Variants in TMEM179B observed in about 807,000 individuals in gnomAD.
TMEM179B encodes transmembrane protein 179B.
Under a neutral mutation model 18.0 loss-of-function variants are expected in TMEM179B, and 13 were observed. That is an observed-to-expected ratio of 0.72 (90% confidence interval 0.47 to 1.15). TMEM179B has a LOEUF of 1.15. Among genes scored for constraint, TMEM179B ranks in the 50% most tolerant of loss-of-function variants. TMEM179B has a pLI of 0.00. For missense variants in TMEM179B, 320 were observed against 270.6 expected, an observed-to-expected ratio of 1.18 and a Z score of -1.28; for synonymous variants, 159 against 117.5, an observed-to-expected ratio of 1.35 and a Z score of -2.29.
At position 62,789,169 on chromosome 11, in the gene TMEM179B, G is replaced by C. The variant is rs772475297; in HGVS notation, c.243G>C (p.Leu81Phe). Residue 81 changes from leucine (L) to phenylalanine (F), a missense_variant, in exon 2 of 5, where the codon TTG (leucine) becomes TTC (phenylalanine). By Grantham distance (22) the Leu-to-Phe change is conservative (BLOSUM62 0). Transcript: ENST00000333449. Reference sequence around the variant, plus strand: ...TGGCCCTCTACTGCCTCCTGCTTTTGCTCTTCTGGATCTACAGCAGCTGCA... The same window carrying C: ...TGGCCCTCTACTGCCTCCTGCTTTTCCTCTTCTGGATCTACAGCAGCTGCA... ...GLLALYCLLL[L>F]LFWIYSSCIE... 46 of 1,614,036 alleles carry C rather than the reference G, an allele frequency of 2.9e-5. No homozygotes were observed. Among genetic ancestry groups the C allele is most frequent in the Non-Finnish European group, 3.8e-5 (45 of 1,180,036 alleles).
chr11:62,787,451 A>T lies in TMEM179B; in HGVS notation c.20A>T (p.Gln7Leu), dbSNP rs368131269. Residue 7 changes from glutamine to leucine, a missense_variant, in exon 1 of 5, where the codon CAG becomes CTG. Coordinates refer to ENST00000333449, the MANE Select transcript of TMEM179B (RefSeq NM_199337.3). MALSWL[Q>L]RVELALFAAA... ...GGCGCCATGGCGCTGTCCTGGCTGC[A>T]GCGCGTCGAGCTTGCGCTCTTTGCT... The T allele has an allele frequency of 6.4e-7, 1 of 1,569,320 alleles. No individual in the cohort carries two copies. Among genetic ancestry groups the T allele is most frequent in the Non-Finnish European group, 8.6e-7 (1 of 1,164,710 alleles).
At position 62,790,167 on chromosome 11, in the gene TMEM179B, GA is replaced by G. The variant is rs1324675116; in HGVS notation, c.*123del. ...TTTCCTTTCGTTGGGGGGTGGGGGG[GA>G]AACATAATGACAGGCCCCCCTCCAC... On this transcript the variant is annotated 3_prime_UTR_variant, in exon 5 of 5. Transcript: ENST00000333449. 24 of 1,060,776 alleles carry G rather than the reference GA, an allele frequency of 2.3e-5. No homozygotes were observed. In the Admixed American group the frequency reaches 3.5e-4, roughly 16 times the overall value. 65.7% of individuals were successfully genotyped at this position (1,060,776 alleles called of 1,614,324 possible).
chr11:62,787,470 CTT>C lies in TMEM179B; in HGVS notation c.41_42del (p.Phe14CysfsTer24). On this transcript the variant is annotated frameshift_variant, in exon 1 of 5. Coordinates refer to ENST00000333449, the MANE Select transcript of TMEM179B (RefSeq NM_199337.3). LOFTEE classifies it high-confidence loss of function. ...SWLQRVELAL[F>X]AAAFLCGAVA... ...GGCTGCAGCGCGTCGAGCTTGCGCT[CTT>C]TGCTGCCGCCTTCCTGTGCGGGGCC... is the stretch of plus-strand genomic sequence containing the variant. 1.3e-6 allele frequency: 2 copies of C among 1,577,102 alleles called. No homozygotes were observed. The highest frequency in any genetic ancestry group is 8.6e-7 in the Non-Finnish European group (1 of 1,169,008).
chr11:62,790,109 C>T lies in TMEM179B; in HGVS notation c.*62C>T, dbSNP rs78079991. Reference sequence around the variant, plus strand: ...ATGCCCAAGTGCCTGTAATCCCCCCCCTCAAGGCCCTGTTTATGTTGGGAG... The same window carrying T: ...ATGCCCAAGTGCCTGTAATCCCCCCTCTCAAGGCCCTGTTTATGTTGGGAG... On this transcript the variant is annotated 3_prime_UTR_variant, in exon 5 of 5. Transcript: ENST00000333449. 1.4e-5 allele frequency: 21 copies of T among 1,488,882 alleles called. No homozygotes were observed. Among genetic ancestry groups the T allele is most frequent in the Admixed American group, 1.2e-4 (5 of 41,558 alleles). The allele number at this position is 1,488,882 out of a possible 1,614,324, so 92.2% of individuals were successfully genotyped here.
Position 62,790,206 on chromosome 11 carries a change from C to T in TMEM179B, c.*159C>T. ...GGCCCCCCTCCACCTCTTCCTGCAG[C>T]TGTTTTTGTACCAAAATATTATATT... On this transcript the variant is annotated 3_prime_UTR_variant, in exon 5 of 5. Coordinates refer to ENST00000333449, the MANE Select transcript of TMEM179B (RefSeq NM_199337.3). The T allele has an allele frequency of 1.3e-6, 1 of 795,120 alleles. No homozygotes were observed. Among genetic ancestry groups the T allele is most frequent in the Non-Finnish European group, 1.9e-6 (1 of 525,608 alleles). The allele number at this position is 795,120 out of a possible 1,614,324, so 49.3% of individuals were successfully genotyped here. A position where few individuals can be genotyped will look rare whatever the true frequency, so the allele number is the denominator to read the frequency against.
Position 62,789,107 on chromosome 11 carries a change from T to C in TMEM179B, c.181T>C (p.Ser61Pro). 2 of 1,614,200 alleles carry C rather than the reference T, an allele frequency of 1.2e-6. No homozygotes were observed. Among genetic ancestry groups the C allele is most frequent in the Non-Finnish European group, 8.5e-7 (1 of 1,180,030 alleles). ...SLALSRPSAP[S>P]LCYFVAGASG... ...GGCCTTATCCCGTCCCTCAGCACCA[T>C]CCCTGTGCTACTTTGTAGCTGGGGC... Residue 61 changes from serine to proline, a missense_variant, in exon 2 of 5, where the codon TCC becomes CCC. Ser to Pro is a moderately conservative substitution (Grantham distance 74). Coordinates refer to ENST00000333449, the MANE Select transcript of TMEM179B (RefSeq NM_199337.3).
At position 62,787,474 on chromosome 11, in the gene TMEM179B, G is replaced by A; in HGVS notation, c.43G>A (p.Ala15Thr). The A allele has an allele frequency of 6.3e-7, 1 of 1,577,808 alleles. No homozygotes were observed. The highest frequency in any genetic ancestry group is 8.6e-7 in the Non-Finnish European group (1 of 1,169,262). ...WLQRVELALFAAAFLCGAVAA... is the reference protein window; with the variant it reads ...WLQRVELALFTAAFLCGAVAA... ...GCAGCGCGTCGAGCTTGCGCTCTTT[G>A]CTGCCGCCTTCCTGTGCGGGGCCGT... is the stretch of plus-strand genomic sequence containing the variant. Residue 15 changes from alanine (A) to threonine (T), a missense_variant, in exon 1 of 5, where the codon GCT (alanine) becomes ACT (threonine). Physicochemically the swap from Ala to Thr is moderately conservative, Grantham distance 58 (BLOSUM62 0). Transcript: ENST00000333449.
At chr11:62,788,248 C>A (rs2084312370) in intron 1 of TMEM179B, among the ~76,000 whole-genome samples, 1 of 151,632 alleles carries the variant, frequency 6.6e-6, no homozygotes, top group African/African-American at 2.4e-5. Context: ...ACTAAAAATA[C>A]AAAAATTAGC....
rs761490110 is a variant in TMEM179B, at chr11:62,787,462, C to T, written c.31C>T (p.Leu11Phe). The change falls in exon 1 of 5, where the codon CTT (leucine) becomes TTT (phenylalanine). Residue 11 changes from leucine (L) to phenylalanine (F), a missense_variant. Physicochemically the swap from Leu to Phe is conservative, Grantham distance 22. Transcript: ENST00000333449. The stretch of plus-strand genomic sequence containing the variant: ...GCTGTCCTGGCTGCAGCGCGTCGAG[C>T]TTGCGCTCTTTGCTGCCGCCTTCCT... MALSWLQRVE[L>F]ALFAAAFLCG... 1.3e-6 allele frequency: 2 copies of T among 1,574,898 alleles called. No individual in the cohort carries two copies. The highest frequency in any genetic ancestry group is 2.3e-5 in the East Asian group (1 of 43,380).
Position 62,787,490 on chromosome 11 carries a change from G to C in TMEM179B, c.59G>C (p.Cys20Ser). The change falls in exon 1 of 5, where the codon TGC (cysteine) becomes TCC (serine). Residue 20 changes from cysteine (C) to serine (S), a missense_variant. Coordinates refer to ENST00000333449, the MANE Select transcript of TMEM179B (RefSeq NM_199337.3). Reference protein sequence around the residue: ...ELALFAAAFLCGAVAAAAMTR... With the variant: ...ELALFAAAFLSGAVAAAAMTR... The stretch of plus-strand genomic sequence containing the variant: ...GCGCTCTTTGCTGCCGCCTTCCTGT[G>C]CGGGGCCGTGGCGGCCGCGGCGATG... 2 of 1,580,404 alleles carry C rather than the reference G, an allele frequency of 1.3e-6. No individual in the cohort carries two copies. Among genetic ancestry groups the C allele is most frequent in the Non-Finnish European group, 1.7e-6 (2 of 1,171,166 alleles).
In TMEM179B at chr11:62,787,543, G is replaced by GGGGTC; in HGVS notation, c.96+17_96+21dup. The GGGGTC allele has an allele frequency of 6.5e-7, 1 of 1,544,682 alleles. No individual in the cohort carries two copies. The highest frequency in any genetic ancestry group is 8.7e-7 in the Non-Finnish European group (1 of 1,154,650). On this transcript the variant is annotated intron_variant, in intron 1 of 4. Coordinates refer to ENST00000333449, the MANE Select transcript of TMEM179B (RefSeq NM_199337.3). ...TCGGACCCAGGTGCGGCTGCGGGGCGGGGTCAGGTAGGCGGGGGAGCTGGC... is the reference window on the plus strand; with the variant it reads ...TCGGACCCAGGTGCGGCTGCGGGGCGGGGTCGGGTCAGGTAGGCGGGGGAGCTGGC...
chr11:62,789,601 C>T lies in TMEM179B; in HGVS notation c.420C>T (p.Ser140=), dbSNP rs750653812. ...NSIISLNTTI[S]CSEAQKIPWT... is the part of the protein sequence containing the mutation. Reference sequence around the variant, plus strand: ...CACAACTGTCTCTTTGACCTCACAGCTGTTCTGAAGCCCAGAAAATTCCAT... The same window carrying T: ...CACAACTGTCTCTTTGACCTCACAGTTGTTCTGAAGCCCAGAAAATTCCAT... The change falls in exon 4 of 5, where the codon AGC becomes AGT. Residue 140 remains serine (S), a splice_region_variant and synonymous_variant. Coordinates refer to ENST00000333449, the MANE Select transcript of TMEM179B (RefSeq NM_199337.3). 1.0e-5 allele frequency: 16 copies of T among 1,549,924 alleles called. No homozygotes were observed. The highest frequency in any genetic ancestry group is 1.4e-5 in the Non-Finnish European group (16 of 1,151,038).
intron 2 of TMEM179B, 26 bp from the exon 3 acceptor site, chr11:62,789,266 C>T: frequency 1.9e-6 from 3 of 1,614,108 alleles, no homozygotes; most frequent in Non-Finnish European, 2.5e-6. Flanking sequence ...TCACCTCCAC[C>T]ACAAGGCTTG....
chr11:62,790,086 G>A lies in TMEM179B; in HGVS notation c.*39G>A, dbSNP rs201547189. 75 of 1,544,326 alleles carry A rather than the reference G, an allele frequency of 4.9e-5. No individual in the cohort carries two copies. Among genetic ancestry groups the A allele is most frequent in the Admixed American group, 4.4e-4 (22 of 50,454 alleles). On this transcript the variant is annotated 3_prime_UTR_variant, in exon 5 of 5. Transcript: ENST00000333449. ...TGCTTCCTGCAGCCGAAGACTCCAT[G>A]CCCAAGTGCCTGTAATCCCCCCCCT...
In TMEM179B at chr11:62,789,031, C is replaced by T; in HGVS notation, c.105C>T (p.Phe35=). The part of the protein sequence containing the change: ...AAAMTRTQGS[F]SGRCPLYGVA... ...GCAGCTTCTCTCCACAGGGCTCCTTCAGTGGTAGATGTCCCCTGTATGGTG... is the reference window on the plus strand; with the variant it reads ...GCAGCTTCTCTCCACAGGGCTCCTTTAGTGGTAGATGTCCCCTGTATGGTG... The change falls in exon 2 of 5, where the codon TTC becomes TTT. Residue 35 remains phenylalanine (F), a synonymous_variant. Transcript: ENST00000333449. The T allele has an allele frequency of 6.2e-7, 1 of 1,611,548 alleles. No individual in the cohort carries two copies. The highest frequency in any genetic ancestry group is 8.5e-7 in the Non-Finnish European group (1 of 1,178,060).
chr11:62,787,690 C>T, intron 1 of TMEM179B, 163 bp downstream of exon 1: 3 of 898,512 alleles, frequency 3.3e-6, no homozygotes, highest in South Asian at 1.7e-5. Flanking sequence ...AGGCTAATCG[C>T]GCTTTGTGGC....
In TMEM179B at chr11:62,787,946, A is replaced by C. The variant is rs560858547; in HGVS notation, c.96+419A>C. The C allele has an allele frequency of 1.3e-3, 632 of 485,472 alleles. 6 individuals carry two copies. Among genetic ancestry groups the C allele is most frequent in the Non-Finnish European group, 6.2e-4 (154 of 246,722 alleles). 30.1% of individuals were successfully genotyped at this position (485,472 alleles called of 1,614,324 possible). On this transcript the variant is annotated intron_variant, in intron 1 of 4. Transcript: ENST00000333449. ...TCAAGCTGCCACATGATTGTAGCAC[A>C]GTGTGTTAAATGACAAAATGAGAGA...
chr11:62,789,096 C>T lies in TMEM179B; in HGVS notation c.170C>T (p.Pro57Leu), dbSNP rs1219130836. 1 of 1,614,228 alleles carries T rather than the reference C, an allele frequency of 6.2e-7. No homozygotes were observed. The highest frequency in any genetic ancestry group is 8.5e-7 in the Non-Finnish European group (1 of 1,180,042). Residue 57 changes from proline (P) to leucine (L), a missense_variant, in exon 2 of 5, where the codon CCC becomes CTC. Transcript: ENST00000333449. ...GGCTCCTCCCTGGCCTTATCCCGTC[C>T]CTCAGCACCATCCCTGTGCTACTTT... ...LNGSSLALSR[P>L]SAPSLCYFVA...
intron 3 of TMEM179B, 34 bp from the exon 4 acceptor site, chr11:62,789,565 TCA>T (rs1286554426): frequency 6.5e-7 from 1 of 1,548,648 alleles, no homozygotes; most frequent in East Asian, 2.3e-5. Flanking sequence ...ATATAAACTA[TCA>T]CGCTTTCTCA....
Sources: allele counts gnomAD v4.1 joint callset (sites outside exome capture counted in the v4.1 genomes callset), GRCh38; gene constraint gnomAD v4.1.1; transcripts MANE v1.5; gene names NCBI Gene and HGNC (gene_info 2026-07-23, HGNC 2026-07-21).